Variants in CDH13 observed in about 807,000 individuals in gnomAD.
CDH13 encodes the protein cadherin 13.
A neutral mutation model predicts 63.8 loss-of-function variants in CDH13; 24 were observed. The observed-to-expected ratio is 0.38, with a 90% CI of 0.27 to 0.53. The LOEUF is 0.53. Ranked by LOEUF, CDH13 falls within the 20% of genes least tolerant of loss-of-function variation. The pLI, the probability that CDH13 is intolerant of heterozygous loss-of-function variation, is 0.85. For synonymous variants in CDH13, 503 were observed against 355.3 expected (o/e 1.42, Z -4.67); for missense variants, 1,049 against 903.1 (o/e 1.16, Z -2.07).
intron 8 of CDH13, among the ~76,000 whole-genome samples, chr16:83,623,711 A>G (rs1684319896): frequency 6.6e-6 from 1 of 152,198 alleles, no homozygotes; most frequent in Admixed American, 6.5e-5. Context: ...GGCCTCTCAC[A>G]TCATGGGCAC....
intron 10 of CDH13, among the ~76,000 whole-genome samples, chr16:83,730,528 A>G (rs1910919379): frequency 6.6e-6 from 1 of 152,272 alleles, no homozygotes; most frequent in African/African-American, 2.4e-5. Context: ...TTTTAAAATC[A>G]CAATTCGATG....
At chr16:82,850,742 A>G (rs1180237235) in intron 1 of CDH13, among the ~76,000 whole-genome samples, 1 of 152,178 alleles carries the variant, frequency 6.6e-6, no homozygotes, top group Non-Finnish European at 1.5e-5. Context: ...CAACCTTCAC[A>G]ACCGCCACCC....
intron 5 of CDH13, among the ~76,000 whole-genome samples, chr16:83,268,123 A>C (rs2088681430): frequency 6.6e-6 from 1 of 152,178 alleles, no homozygotes; most frequent in Admixed American, 6.5e-5. Context: ...ATATTAACTC[A>C]GTGGTAGGAC....
rs1013430035 is a variant in CDH13, at chr16:83,560,903, C to CCT, written c.961-41550_961-41549insTC. ...GACAAGTGTACCATAAGGTTGGCCC[C>CCT]CCCCCCGCCCCAGGGGCTGAGGGTT... On this transcript the variant is annotated intron_variant, in intron 7 of 13. Transcript: ENST00000567109. Among the ~76,000 whole-genome samples, 7 of 152,042 alleles carry CCT rather than the reference C, an allele frequency of 4.6e-5. No homozygotes were observed. In the East Asian group the frequency reaches 1.4e-3, roughly 30 times the overall value.
chr16:83,130,880 C>G (rs1209757863), intron 4 of CDH13, among the ~76,000 whole-genome samples: 1 of 152,114 alleles, frequency 6.6e-6, no homozygotes, highest in African/African-American at 2.4e-5. Flanking sequence ...ATGAAGACAT[C>G]AAAAGCAAGG....
At chr16:83,520,468 G>A (rs781489805) in intron 7 of CDH13, among the ~76,000 whole-genome samples, 3 of 152,160 alleles carry the variant, frequency 2.0e-5, no homozygotes, top group Non-Finnish European at 4.4e-5. Context: ...GGGCTGCAGG[G>A]TTTGCTCTGA....
intron 2 of CDH13, among the ~76,000 whole-genome samples, chr16:82,970,198 G>A (rs1908503360): frequency 6.6e-6 from 1 of 151,962 alleles, no homozygotes; most frequent in Non-Finnish European, 1.5e-5. Context: ...CTGTTCTTGT[G>A]TTAGTTTGCT....
intron 2 of CDH13, among the ~76,000 whole-genome samples, chr16:82,883,093 G>C (rs1743328060): frequency 6.6e-6 from 1 of 152,136 alleles, no homozygotes; most frequent in Non-Finnish European, 1.5e-5. Flanking sequence ...GCCATCACCT[G>C]AGGCTGTGAC....
chr16:83,413,322 G>C (rs2092154613), intron 6 of CDH13, among the ~76,000 whole-genome samples: 1 of 152,140 alleles, frequency 6.6e-6, no homozygotes, highest in East Asian at 1.9e-4. Context: ...GCACATAAGA[G>C]TATTTAGCTT....
intron 2 of CDH13, among the ~76,000 whole-genome samples, chr16:82,863,714 C>T (rs1342266808): frequency 6.6e-6 from 1 of 152,132 alleles, no homozygotes; most frequent in Admixed American, 6.5e-5. Flanking sequence ...CATTCATAGA[C>T]CTCAGCTAGA....
At chr16:83,747,511 G>A (rs1912702398) in intron 10 of CDH13, among the ~76,000 whole-genome samples, 1 of 151,952 alleles carries the variant, frequency 6.6e-6, no homozygotes, top group South Asian at 2.1e-4. Flanking sequence ...ACTCAGTCTT[G>A]AGTATGTCTT....
At chr16:82,732,848 G>GT (rs11458958) in intron 1 of CDH13, among the ~76,000 whole-genome samples, 25,586 of 152,174 alleles carry the variant, frequency 0.17, 2,461 homozygotes, top group East Asian at 0.45. Context: ...CTGGGGATGA[G>GT]TGAGGGTTCC....
At chr16:83,109,506 C>A (rs1359725819) in intron 3 of CDH13, among the ~76,000 whole-genome samples, 1 of 152,118 alleles carries the variant, frequency 6.6e-6, no homozygotes, top group African/African-American at 2.4e-5. Context: ...ATGTGTCAAA[C>A]CCCTAATAAA....
chr16:83,452,637 G>T (rs2151512686), intron 6 of CDH13, among the ~76,000 whole-genome samples: 1 of 151,932 alleles, frequency 6.6e-6, no homozygotes, highest in African/African-American at 2.4e-5. Flanking sequence ...AGATTTGTTG[G>T]GTTCCTGCAA....
intron 4 of CDH13, among the ~76,000 whole-genome samples, chr16:83,187,320 A>T (rs8053131): frequency 6.6e-6 from 1 of 152,148 alleles, no homozygotes; most frequent in Non-Finnish European, 1.5e-5. Flanking sequence ...AGGAAGAAGG[A>T]TATTTGCATT....
chr16:83,380,394 C>T (rs932333998), intron 6 of CDH13, among the ~76,000 whole-genome samples: 2 of 151,986 alleles, frequency 1.3e-5, no homozygotes, highest in Admixed American at 1.3e-4. Context: ...GACTGTCAGC[C>T]CATTCATTCT....
In CDH13 at chr16:82,693,463, C is replaced by T. The variant is rs568209194; in HGVS notation, c.45+66326C>T. 7.2e-4 allele frequency among the ~76,000 whole-genome samples: 109 copies of T among 152,280 alleles called. 1 individual carries two copies. Among genetic ancestry groups the T allele is most frequent in the African/African-American group, 2.3e-3 (96 of 41,562 alleles). On this transcript the variant is annotated intron_variant, in intron 1 of 13. Coordinates refer to ENST00000567109, the MANE Select transcript of CDH13 (RefSeq NM_001257.5). ...CTCAGGAAGACCACTTCCCAGCTTG[C>T]GACCTAAACATTTAGGTCTAAACAC...
chr16:83,437,764 CATGAA>C (rs1038330371), intron 6 of CDH13, among the ~76,000 whole-genome samples: 3 of 152,136 alleles, frequency 2.0e-5, no homozygotes, highest in Non-Finnish European at 4.4e-5. Context: ...GCCCTTTTCC[CATGAA>C]CCCCAGATCC....
intron 8 of CDH13, among the ~76,000 whole-genome samples, chr16:83,661,071 A>G (rs1243782175): frequency 6.6e-6 from 1 of 151,806 alleles, no homozygotes; most frequent in East Asian, 1.9e-4. Context: ...TTCAAACAAA[A>G]TCCCAGGCAG....
Sources: allele counts gnomAD v4.1 joint callset (sites outside exome capture counted in the v4.1 genomes callset), GRCh38; gene constraint gnomAD v4.1.1; transcripts MANE v1.5; gene names NCBI Gene and HGNC (gene_info 2026-07-23, HGNC 2026-07-21).